Variants in CEP128 observed in about 807,000 individuals in gnomAD.
CEP128 encodes centrosomal protein 128kDa.
In CEP128, 132 loss-of-function variants were observed where a neutral mutation model predicts 156.7. The observed-to-expected ratio is 0.84, with a 90% CI of 0.73 to 0.97. The LOEUF (loss-of-function observed/expected upper bound fraction) is 0.97. CEP128 is among the 50% of genes least tolerant of loss of function. The pLI, the probability that CEP128 is intolerant of heterozygous loss-of-function variation, is 0.00. For synonymous variants in CEP128, 469 were observed against 448.9 expected, an observed-to-expected ratio of 1.04 and a Z score of -0.57; for missense variants, 1,252 against 1,281.9, an observed-to-expected ratio of 0.98 and a Z score of 0.36.
intron 14 of CEP128, among the ~76,000 whole-genome samples, chr14:80,478,572 G>T (rs1215389919): frequency 6.6e-6 from 1 of 152,144 alleles, no homozygotes; most frequent in Non-Finnish European, 1.5e-5. Context: ...GTGATCTTGG[G>T]TAAGTTACTC....
intron 14 of CEP128, among the ~76,000 whole-genome samples, chr14:80,787,940 T>A (rs1476347653): frequency 6.6e-6 from 1 of 152,196 alleles, no homozygotes; most frequent in Non-Finnish European, 1.5e-5. Context: ...TCTGCTACTC[T>A]ATAACTCTCC....
Position 80,569,179 on chromosome 14 carries a change from A to G in CEP128, c.2857-9877T>C, listed in dbSNP as rs185338304. On this transcript the variant is annotated intron_variant, in intron 20 of 24. Transcript: ENST00000555265. ...TATAATAATTTCAAACAAATTTCTA[A>G]ATTTCTGCATTTAGAGAAAATGATA... 2.2e-3 allele frequency among the ~76,000 whole-genome samples: 329 copies of G among 152,298 alleles called. 2 individuals are homozygous for G. The highest frequency in any genetic ancestry group is 7.2e-3 in the African/African-American group (301 of 41,558).
intron 12 of CEP128, among the ~76,000 whole-genome samples, chr14:80,834,884 G>C (rs573754526): frequency 2.0e-5 from 3 of 152,274 alleles, no homozygotes; most frequent in African/African-American, 7.2e-5. Context: ...CTAAGGCTTG[G>C]ATATAGTTTA....
chr14:80,743,054 G>A, intron 19 of CEP128, 21 bp downstream of exon 19: 1 of 1,605,996 alleles, frequency 6.2e-7, no homozygotes, highest in Non-Finnish European at 8.5e-7. Context: ...AAAGAAAAAT[G>A]AAAGAACAAC....
At chr14:80,618,446 C>G (rs1248953957) in intron 19 of CEP128, among the ~76,000 whole-genome samples, 4 of 152,230 alleles carry the variant, frequency 2.6e-5, no homozygotes, top group Admixed American at 2.0e-4. Context: ...ACGCTAGAAG[C>G]CTTCTTACAG....
At chr14:80,836,732 A>T (rs1379050240) in intron 11 of CEP128, among the ~76,000 whole-genome samples, 2 of 152,238 alleles carry the variant, frequency 1.3e-5, no homozygotes, top group African/African-American at 4.8e-5. Flanking sequence ...GATTTAGCAT[A>T]TTTTGATACT....
chr14:80,951,544 G>A (rs8010771), intron 2 of CEP128, among the ~76,000 whole-genome samples: 10,306 of 151,782 alleles, frequency 0.068, 1,134 homozygotes, highest in African/African-American at 0.24. Context: ...AAGATAAAAC[G>A]GAATCATAAA....
chr14:80,941,288 T>A (rs1886138171), intron 1 of CEP128, among the ~76,000 whole-genome samples: 1 of 152,168 alleles, frequency 6.6e-6, no homozygotes, highest in South Asian at 2.1e-4. Flanking sequence ...GCTTCACAGA[T>A]GCTAGCGGTA....
At chr14:80,661,675 T>C (rs1183802292) in intron 19 of CEP128, among the ~76,000 whole-genome samples, 2 of 152,190 alleles carry the variant, frequency 1.3e-5, no homozygotes, top group Non-Finnish European at 2.9e-5. Context: ...GAAATTATAA[T>C]TCTTATCTTT....
intron 19 of CEP128, among the ~76,000 whole-genome samples, chr14:80,710,700 C>T (rs998720404): frequency 1.3e-5 from 2 of 152,072 alleles, no homozygotes; most frequent in African/African-American, 4.8e-5. Flanking sequence ...AAATGGTCTA[C>T]TAACTGGTCA....
intron 21 of CEP128, 187 bp from the exon 22 acceptor site, chr14:80,531,073 T>C: frequency 3.0e-6 from 1 of 328,222 alleles, no homozygotes; most frequent in Non-Finnish European, 5.6e-6. Context: ...GAAGAATTAT[T>C]TCCTTTTAAA....
At chr14:80,858,917 G>A (rs1887358766) in intron 9 of CEP128, among the ~76,000 whole-genome samples, 1 of 152,124 alleles carries the variant, frequency 6.6e-6, no homozygotes, top group Non-Finnish European at 1.5e-5. Context: ...GAGAGGATGT[G>A]GAGAAATAGG....
Position 80,655,760 on chromosome 14 carries a change from T to C in CEP128, c.2807-75337A>G, listed in dbSNP as rs568108130. ...TGCTGGTGGTGGTTATCTTTGCCAC[T>C]ACTTGGGAGGAATCTGTCTGAGGAA... On this transcript the variant is annotated intron_variant, in intron 19 of 24. Transcript: ENST00000555265. Among the ~76,000 whole-genome samples the C allele has an allele frequency of 3.5e-4, 54 of 152,240 alleles. 1 individual carries two copies. The highest frequency in any genetic ancestry group is 1.1e-3 in the African/African-American group (44 of 41,538).
chr14:80,681,437 A>C (rs1896320381), intron 19 of CEP128, among the ~76,000 whole-genome samples: 1 of 152,124 alleles, frequency 6.6e-6, no homozygotes, highest in African/African-American at 2.4e-5. Flanking sequence ...CAGATAAGAA[A>C]ATTCAAAGGC....
At chr14:80,815,376 C>T (rs903097774) in intron 13 of CEP128, among the ~76,000 whole-genome samples, 2 of 152,170 alleles carry the variant, frequency 1.3e-5, no homozygotes, top group South Asian at 2.1e-4. Context: ...TATCACCTTA[C>T]ACCAGTCAGA....
intron 19 of CEP128, among the ~76,000 whole-genome samples, chr14:80,737,061 C>T (rs1898566875): frequency 6.6e-6 from 1 of 152,152 alleles, no homozygotes; most frequent in Admixed American, 6.5e-5. Context: ...TGATTTGACT[C>T]TAAGAGCGGG....
intron 19 of CEP128, among the ~76,000 whole-genome samples, chr14:80,611,541 G>A (rs2140585545): frequency 6.6e-6 from 1 of 152,186 alleles, no homozygotes; most frequent in South Asian, 2.1e-4. Context: ...TAAAAGAGAT[G>A]AAAAGGATAG....
At chr14:80,894,869 T>C (rs1332691472) in intron 8 of CEP128, among the ~76,000 whole-genome samples, 2 of 151,826 alleles carry the variant, frequency 1.3e-5, no homozygotes, top group Non-Finnish European at 2.9e-5. Flanking sequence ...ACTCAACATA[T>C]CTATGTAAGG....
intron 19 of CEP128, among the ~76,000 whole-genome samples, chr14:80,673,687 G>A (rs1033132867): frequency 2.4e-4 from 34 of 139,042 alleles, no homozygotes; most frequent in African/African-American, 7.9e-4. Flanking sequence ...TAAAGCAAAG[G>A]GATCTCACAT....
Sources: gnomAD v4.1 joint callset for allele counts (sites outside exome capture counted in the v4.1 genomes callset) on GRCh38, gnomAD v4.1.1 for gene constraint, MANE v1.5 for transcripts, NCBI Gene and HGNC (gene_info 2026-07-23, HGNC 2026-07-21) for gene names.